The following TBCD variants were observed in gnomAD, a reference collection of about 807,000 sequenced individuals.
TBCD encodes tubulin folding cofactor D.
A neutral mutation model predicts 169.3 loss-of-function variants in TBCD; 105 were observed. The ratio of observed to expected loss-of-function variants is 0.62; its 90% CI spans 0.53 to 0.73. The LOEUF (loss-of-function observed/expected upper bound fraction) is 0.73. Among genes scored for constraint, TBCD ranks in the 30% least tolerant of loss-of-function variants. TBCD has a pLI of 0.00. For synonymous variants in TBCD, 700 were observed against 643.9 expected (o/e 1.09, Z -1.32); for missense variants, 1,444 against 1,600.1 (o/e 0.90, Z 1.66).
rs757332053 is a variant in TBCD, at chr17:82,772,425, G to A, written c.583-27G>A. 12 of 1,613,706 alleles carry A rather than the reference G, an allele frequency of 7.4e-6. No homozygotes were observed. The African/African-American group carries it at 9.3e-5, about 13-fold the overall frequency. ...AAGGCTGGCGTGTGCAGGAGTGACCGTGTCTGTGCTTCACCCTTTCTTGCA... is the reference window on the plus strand; with the variant it reads ...AAGGCTGGCGTGTGCAGGAGTGACCATGTCTGTGCTTCACCCTTTCTTGCA... On this transcript the variant is annotated intron_variant, in intron 5 of 38. Transcript: ENST00000355528.
chr17:82,877,026 C>G (rs1415494282), intron 14 of TBCD: 38 of 954,032 alleles, frequency 4.0e-5, no homozygotes, highest in Non-Finnish European at 4.5e-5. Flanking sequence ...TTTTTCCATT[C>G]TTTCTTCATT....
intron 13 of TBCD, among the ~76,000 whole-genome samples, chr17:82,815,251 T>G (rs1390447776): frequency 6.6e-6 from 1 of 152,198 alleles, no homozygotes; most frequent in African/African-American, 2.4e-5. Flanking sequence ...GTAGCTGGTT[T>G]TGGAGGGCCA....
intron 13 of TBCD, chr17:82,838,759 A>G: frequency 2.0e-6 from 2 of 985,454 alleles, no homozygotes; most frequent in Non-Finnish European, 2.4e-6. Flanking sequence ...TGTAATTTGG[A>G]AGAATGGATC....
intron 14 of TBCD, among the ~76,000 whole-genome samples, chr17:82,882,318 C>T (rs1315166852): frequency 6.6e-6 from 1 of 152,130 alleles, no homozygotes; most frequent in Admixed American, 6.5e-5. Context: ...CAAGCCCATT[C>T]CCCCCCAGCC....
intron 38 of TBCD, chr17:82,942,052 T>C (rs7213006): frequency 0.59 from 186,143 of 317,512 alleles, 57,153 homozygotes; most frequent in Middle Eastern, 0.72. Flanking sequence ...GAACCATGTC[T>C]AGATACATGG....
At chr17:82,895,449 G>A (rs2059410722) in intron 17 of TBCD, among the ~76,000 whole-genome samples, 1 of 152,240 alleles carries the variant, frequency 6.6e-6, no homozygotes, top group African/African-American at 2.4e-5. Context: ...GGCCCTGGCG[G>A]GGAGCTGCTG....
intron 13 of TBCD, among the ~76,000 whole-genome samples, chr17:82,853,822 G>A (rs1181735942): frequency 6.6e-6 from 1 of 152,140 alleles, no homozygotes; most frequent in Admixed American, 6.5e-5. Flanking sequence ...ATTTTAAGCT[G>A]GTGAGTTTAG....
At chr17:82,938,855 T>C (rs2062864559) in intron 36 of TBCD, among the ~76,000 whole-genome samples, 1 of 151,338 alleles carries the variant, frequency 6.6e-6, no homozygotes, top group African/African-American at 2.4e-5. Context: ...GTGAGATTGC[T>C]TCTCTGGTGA....
intron 34 of TBCD, among the ~76,000 whole-genome samples, chr17:82,936,220 C>T (rs2062613117): frequency 1.3e-5 from 2 of 152,234 alleles, no homozygotes; most frequent in Non-Finnish European, 2.9e-5. Flanking sequence ...CTTTGGCCCG[C>T]CTGCCAGCTG....
chr17:82,840,953 G>GTTTTTTTTTTTTT lies in TBCD; in HGVS notation c.1318+26019_1318+26020insTTTTTTTTTTTTT, dbSNP rs755302623. ...ACGAGCTGGCCAGGACAGACAAACTGGTTTTTTTTTTTTTTTTTTTTTTTT... is the reference window on the plus strand; with the variant it reads ...ACGAGCTGGCCAGGACAGACAAACTGTTTTTTTTTTTTTGTTTTTTTTTTTTTTTTTTTTTTTT... On this transcript the variant is annotated intron_variant, in intron 13 of 38. Transcript: ENST00000355528. Among the ~76,000 whole-genome samples, 24 of 70,554 alleles carry GTTTTTTTTTTTTT rather than the reference G, an allele frequency of 3.4e-4. 11 individuals are homozygous for GTTTTTTTTTTTTT. Among genetic ancestry groups the GTTTTTTTTTTTTT allele is most frequent in the African/African-American group, 7.8e-4 (14 of 17,982 alleles). The allele number at this position is 70,554 out of a possible 152,430, so 46.3% of individuals were successfully genotyped here.
intron 2 of TBCD, among the ~76,000 whole-genome samples, chr17:82,762,080 G>T (rs573373787): frequency 6.6e-6 from 1 of 151,452 alleles, no homozygotes; most frequent in South Asian, 2.1e-4. Context: ...TTTTTGGGAG[G>T]CTGAGGTGGG....
At position 82,869,350 on chromosome 17, in the gene TBCD, C is replaced by T. The variant is rs544137844; in HGVS notation, c.1319-874C>T. On this transcript the variant is annotated intron_variant, in intron 13 of 38. Coordinates refer to ENST00000355528, the MANE Select transcript of TBCD (RefSeq NM_005993.5). ...TAGCCTGGGTAACGTGGGATGCCAT[C>T]TCTACAAAAAATTTAAAAAGTAGCT... 5.9e-5 allele frequency among the ~76,000 whole-genome samples: 9 copies of T among 152,258 alleles called. No homozygotes were observed. The South Asian group carries it at 1.9e-3, about 32-fold the overall frequency.
intron 17 of TBCD, among the ~76,000 whole-genome samples, chr17:82,900,143 C>T (rs2059789123): frequency 6.6e-6 from 1 of 152,218 alleles, no homozygotes; most frequent in South Asian, 2.1e-4. Context: ...GAGGCCTGAG[C>T]ACAGCCATCA....
intron 13 of TBCD, among the ~76,000 whole-genome samples, chr17:82,862,600 A>G (rs1421171552): frequency 3.3e-5 from 5 of 152,196 alleles, no homozygotes; most frequent in Non-Finnish European, 5.9e-5. Flanking sequence ...TCTGTATTGA[A>G]AAAATAAAAA....
rs570365414 is a variant in TBCD, at chr17:82,943,852, C to G, written c.*1389C>G. 23 of 152,422 alleles carry G rather than the reference C, an allele frequency of 1.5e-4. No individual in the cohort carries two copies. Among genetic ancestry groups the G allele is most frequent in the African/African-American group, 5.5e-4 (23 of 41,590 alleles). The allele number at this position is 152,422 out of a possible 1,614,324, so 9.4% of individuals were successfully genotyped here. On this transcript the variant is annotated 3_prime_UTR_variant, in exon 39 of 39. Transcript: ENST00000355528. Reference sequence around the variant, plus strand: ...TAATAGGGGTCTCCTCCTCCTTGAACTGTCCCGATTGGCTGGGGTCACGTG... The same window carrying G: ...TAATAGGGGTCTCCTCCTCCTTGAAGTGTCCCGATTGGCTGGGGTCACGTG...
chr17:82,803,261 C>T (rs1222963005), intron 9 of TBCD, among the ~76,000 whole-genome samples: 1 of 152,168 alleles, frequency 6.6e-6, no homozygotes, highest in African/African-American at 2.4e-5. Flanking sequence ...ACAGCATGGT[C>T]CTTGCTTTAA....
At position 82,944,214 on chromosome 17, in the gene TBCD, A is replaced by G. The variant is rs1716850251; in HGVS notation, c.*1751A>G. 6.6e-6 allele frequency: 1 copy of G among 152,158 alleles called. No homozygotes were observed. The highest frequency in any genetic ancestry group is 1.5e-5 in the Non-Finnish European group (1 of 68,022). The allele number at this position is 152,158 out of a possible 1,614,324, so 9.4% of individuals were successfully genotyped here. A position where few individuals can be genotyped will look rare whatever the true frequency, so the allele number is the denominator to read the frequency against. On this transcript the variant is annotated 3_prime_UTR_variant, in exon 39 of 39. Coordinates refer to ENST00000355528, the MANE Select transcript of TBCD (RefSeq NM_005993.5). ...ATGTGGCAAAGCAGTTCTTCTTTTAATGTCGGTCTAACTTAGCAACCCGAG... is the reference window on the plus strand; with the variant it reads ...ATGTGGCAAAGCAGTTCTTCTTTTAGTGTCGGTCTAACTTAGCAACCCGAG...
At chr17:82,796,679 G>C (rs957638026) in intron 7 of TBCD, among the ~76,000 whole-genome samples, 7 of 152,246 alleles carry the variant, frequency 4.6e-5, no homozygotes, top group Non-Finnish European at 2.9e-5. Context: ...AGGTGTGACT[G>C]GTGGTCTGTG....
At chr17:82,869,269 C>G (rs932449714) in intron 13 of TBCD, among the ~76,000 whole-genome samples, 3 of 152,192 alleles carry the variant, frequency 2.0e-5, no homozygotes, top group African/African-American at 7.2e-5. Flanking sequence ...CTTGGAACAT[C>G]CCCATATACT....
Sources: allele counts gnomAD v4.1 joint callset (sites outside exome capture counted in the v4.1 genomes callset), GRCh38; gene constraint gnomAD v4.1.1; transcripts MANE v1.5; gene names NCBI Gene and HGNC (gene_info 2026-07-23, HGNC 2026-07-21).